Variants in CNOT4 observed in about 807,000 individuals in gnomAD.
CNOT4 encodes CCR4-NOT transcription complex subunit 4.
Under a neutral mutation model 73.8 loss-of-function variants are expected in CNOT4, and 8 were observed. The ratio of observed to expected loss-of-function variants is 0.11; its 90% confidence interval spans 0.06 to 0.20. The LOEUF (loss-of-function observed/expected upper bound fraction) is 0.20. CNOT4 is among the 10% of genes least tolerant of loss of function. The pLI, the probability that CNOT4 is intolerant of heterozygous loss-of-function variation, is 1.00. For missense variants in CNOT4, 564 were observed against 883.4 expected (o/e 0.64, Z 4.58); for synonymous variants, 293 against 321.1 (o/e 0.91, Z 0.94).
At chr7:135,508,549 A>G (rs1032681588) in intron 1 of CNOT4, among the ~76,000 whole-genome samples, 1 of 152,246 alleles carries the variant, frequency 6.6e-6, no homozygotes, top group African/African-American at 2.4e-5. Flanking sequence ...TCAAGACAAG[A>G]CAATTTATTC....
At chr7:135,502,187 T>C (rs977819123) in intron 1 of CNOT4, among the ~76,000 whole-genome samples, 1 of 152,256 alleles carries the variant, frequency 6.6e-6, no homozygotes, top group Non-Finnish European at 1.5e-5. Context: ...TGTGGTATTC[T>C]GTTATAGCAG....
At chr7:135,390,622 CA>C (rs536773619) in intron 10 of CNOT4, among the ~76,000 whole-genome samples, 6 of 150,178 alleles carry the variant, frequency 4.0e-5, no homozygotes, top group African/African-American at 7.3e-5. Flanking sequence ...TCAATTAGAT[CA>C]AAAAAAAAGG....
At chr7:135,473,982 G>GTT (rs546554271) in intron 1 of CNOT4, among the ~76,000 whole-genome samples, 166 of 140,350 alleles carry the variant, frequency 1.2e-3, no homozygotes, top group Middle Eastern at 3.7e-3. Flanking sequence ...TCTTTTTGTG[G>GTT]TTTTTTTTTT....
At chr7:135,484,202 A>G (rs536207662) in intron 1 of CNOT4, among the ~76,000 whole-genome samples, 134 of 152,238 alleles carry the variant, frequency 8.8e-4, no homozygotes, top group African/African-American at 3.1e-3. Flanking sequence ...CTCAAAATAA[A>G]TAAATTAATT....
Position 135,422,353 on chromosome 7 carries a change from G to C in CNOT4, c.175C>G (p.Pro59Ala), listed in dbSNP as rs201750226. The change falls in exon 3 of 12, where the codon CCA (proline) becomes GCA (alanine). Residue 59 changes from proline (P) to alanine (A), a missense_variant and splice_region_variant. By Grantham distance (27) the Pro-to-Ala change is conservative. Coordinates refer to ENST00000541284, the MANE Select transcript of CNOT4 (RefSeq NM_001190850.2). ...TAAACTGCTGGGTCTTCTGGATATG[G>C]CTTTAAGCATGAAACAAACATAGAC... ...ENGLCPACRKPYPEDPAVYKP... is the reference protein window; with the variant it reads ...ENGLCPACRKAYPEDPAVYKP... 5.4e-4 allele frequency: 750 copies of C among 1,387,148 alleles called. 5 individuals are homozygous for C. The highest frequency in any genetic ancestry group is 1.8e-4 in the Middle Eastern group (1 of 5,584). 85.9% of individuals were successfully genotyped at this position (1,387,148 alleles called of 1,614,324 possible).
In CNOT4 at chr7:135,378,075, G is replaced by C. The variant is rs1245323884; in HGVS notation, c.1628-14009C>G. Among the ~76,000 whole-genome samples the C allele has an allele frequency of 2.0e-5, 3 of 152,214 alleles. No individual in the cohort carries two copies. In the East Asian group the frequency reaches 5.8e-4, roughly 29 times the overall value. On this transcript the variant is annotated intron_variant, in intron 10 of 11. Transcript: ENST00000541284. ...GAGCTAGAATTGCCTTAGAAGTTGG[G>C]GGAACTGAGTAATGCCCAAGTTTTA... is the stretch of plus-strand genomic sequence containing the variant.
At chr7:135,387,358 C>T in intron 10 of CNOT4, 1 of 984,842 alleles carries the variant, frequency 1.0e-6, no homozygotes, top group Non-Finnish European at 1.2e-6. Context: ...TTTTGTTTAC[C>T]TCACTGTACC....
intron 7 of CNOT4, 83 bp downstream of exon 7, chr7:135,410,432 T>A: frequency 1.1e-6 from 1 of 917,988 alleles, no homozygotes; most frequent in South Asian, 2.4e-5. Context: ...CAACAAGGAT[T>A]TTGCCTGAAA....
chr7:135,383,667 A>G (rs1335596244), intron 10 of CNOT4, among the ~76,000 whole-genome samples: 1 of 152,150 alleles, frequency 6.6e-6, no homozygotes, highest in Admixed American at 6.5e-5. Flanking sequence ...CTTCTTTCCA[A>G]ACTCCAACCC....
intron 1 of CNOT4, among the ~76,000 whole-genome samples, chr7:135,449,686 T>C (rs1800047174): frequency 6.6e-6 from 1 of 152,166 alleles, no homozygotes. Flanking sequence ...ACTGAGCACC[T>C]AGGAAATAAC....
chr7:135,457,157 AAC>A (rs1800588484), intron 1 of CNOT4, among the ~76,000 whole-genome samples: 1 of 152,100 alleles, frequency 6.6e-6, no homozygotes. Context: ...TGAGATGTGC[AAC>A]ACATTTACAT....
At chr7:135,396,998 T>C (rs574343996) in intron 8 of CNOT4, among the ~76,000 whole-genome samples, 16 of 152,156 alleles carry the variant, frequency 1.1e-4, no homozygotes, top group Non-Finnish European at 2.2e-4. Flanking sequence ...TCTACATTTA[T>C]GTATAGTGTC....
chr7:135,490,630 C>T (rs1803046356), intron 1 of CNOT4, among the ~76,000 whole-genome samples: 1 of 152,128 alleles, frequency 6.6e-6, no homozygotes, highest in Non-Finnish European at 1.5e-5. Flanking sequence ...CATCTCTGAC[C>T]ACTCCTTCCC....
chr7:135,424,029 C>G (rs1798338782), intron 2 of CNOT4, among the ~76,000 whole-genome samples: 1 of 144,398 alleles, frequency 6.9e-6, no homozygotes, highest in African/African-American at 2.6e-5. Context: ...CCAAAACAAA[C>G]AAACAAACAA....
chr7:135,449,767 C>A (rs1371759999), intron 1 of CNOT4, among the ~76,000 whole-genome samples: 3 of 150,772 alleles, frequency 2.0e-5, no homozygotes, highest in African/African-American at 7.3e-5. Context: ...TTGACATGGA[C>A]TAGGTGTTAG....
In CNOT4 at chr7:135,460,093, G is replaced by T. The variant is rs114635871; in HGVS notation, c.-92-21670C>A. ...CAATGGAAGAGAGAGCCTTGCTCTG[G>T]ATGTGAGTTAGAGCTTTGCTCTGGA... On this transcript the variant is annotated intron_variant, in intron 1 of 11. Coordinates refer to ENST00000541284, the MANE Select transcript of CNOT4 (RefSeq NM_001190850.2). 4.3e-3 allele frequency among the ~76,000 whole-genome samples: 651 copies of T among 152,334 alleles called. 7 individuals are homozygous for T. Among genetic ancestry groups the T allele is most frequent in the African/African-American group, 0.015 (623 of 41,578 alleles).
At chr7:135,456,894 G>C (rs768136417) in intron 1 of CNOT4, among the ~76,000 whole-genome samples, 5 of 151,920 alleles carry the variant, frequency 3.3e-5, no homozygotes, top group Admixed American at 1.3e-4. Context: ...GATAAGGGAG[G>C]ACTACTGTGT....
chr7:135,496,778 C>T (rs1803614814), intron 1 of CNOT4, among the ~76,000 whole-genome samples: 2 of 151,922 alleles, frequency 1.3e-5, no homozygotes, highest in African/African-American at 4.8e-5. Context: ...ACGTAGGAAC[C>T]CCAAAAGTTT....
chr7:135,455,290 CTA>C (rs1800454695), intron 1 of CNOT4, among the ~76,000 whole-genome samples: 1 of 150,274 alleles, frequency 6.7e-6, no homozygotes, highest in Non-Finnish European at 1.5e-5. Context: ...AAAAAAAAAA[CTA>C]TGTGGCGAAA....
Sources: gnomAD v4.1 joint callset for allele counts (sites outside exome capture counted in the v4.1 genomes callset) on GRCh38, gnomAD v4.1.1 for gene constraint, MANE v1.5 for transcripts, NCBI Gene and HGNC (gene_info 2026-07-23, HGNC 2026-07-21) for gene names.